Variants in LPAR1 observed in about 807,000 individuals in gnomAD.
LPAR1 encodes the protein lysophosphatidic acid receptor 1.
In LPAR1, 5 loss-of-function variants were observed where a neutral mutation model predicts 23.8. That is an observed-to-expected ratio of 0.21 (90% CI 0.11 to 0.44). The LOEUF (loss-of-function observed/expected upper bound fraction) is 0.44, where lower values mean the gene tolerates loss of function less well. Ranked by LOEUF, LPAR1 falls within the 20% of genes least tolerant of loss-of-function variation. LPAR1 has a pLI of 0.99. For synonymous variants in LPAR1, 160 were observed against 164.7 expected, an observed-to-expected ratio of 0.97 and a Z score of 0.22; for missense variants, 311 against 482.8, an observed-to-expected ratio of 0.64 and a Z score of 3.33.
At chr9:110,955,836 A>C (rs2095721218) in intron 4 of LPAR1, among the ~76,000 whole-genome samples, 1 of 152,110 alleles carries the variant, frequency 6.6e-6, no homozygotes, top group Admixed American at 6.5e-5. Flanking sequence ...AAGAAAATCA[A>C]AAAATTTCTT....
intron 2 of LPAR1, among the ~76,000 whole-genome samples, chr9:111,009,938 T>C (rs958893918): frequency 2.2e-4 from 33 of 149,210 alleles, no homozygotes; most frequent in Non-Finnish European, 4.4e-5. Flanking sequence ...TCTCATTTGT[T>C]TTTGTTGTTT....
chr9:110,965,801 C>A (rs1410781658), intron 4 of LPAR1, among the ~76,000 whole-genome samples: 1 of 152,184 alleles, frequency 6.6e-6, no homozygotes, highest in Non-Finnish European at 1.5e-5. Flanking sequence ...TAAATCATTT[C>A]TACTATGAAG....
At chr9:111,020,282 C>T (rs2097538214) in intron 2 of LPAR1, among the ~76,000 whole-genome samples, 2 of 152,176 alleles carry the variant, frequency 1.3e-5, no homozygotes, top group South Asian at 2.1e-4. Flanking sequence ...CTAATTCCTG[C>T]TCCTAGAGAA....
chr9:110,997,984 C>A (rs1177730050), intron 2 of LPAR1, among the ~76,000 whole-genome samples: 1 of 152,180 alleles, frequency 6.6e-6, no homozygotes, highest in African/African-American at 2.4e-5. Context: ...TAATATGTGG[C>A]ACACAGAATT....
chr9:110,905,988 A>G (rs756288966), intron 5 of LPAR1, among the ~76,000 whole-genome samples: 8 of 152,254 alleles, frequency 5.3e-5, no homozygotes, highest in Non-Finnish European at 1.2e-4. Context: ...GTGACATGTA[A>G]TAAGCTTTCT....
intron 2 of LPAR1, among the ~76,000 whole-genome samples, chr9:110,974,971 T>C (rs923673931): frequency 3.3e-5 from 5 of 152,214 alleles, no homozygotes; most frequent in African/African-American, 1.2e-4. Flanking sequence ...CCTGGCATTA[T>C]TTTTTGCCCA....
chr9:110,875,417 C>T lies in LPAR1; in HGVS notation c.*4G>A, dbSNP rs111935355. Reference sequence around the variant, plus strand: ...ACGGCTGGTTCCTCATCTCAGTTTCCGTTCTAAACCACAGAGTGGTCATTG... The same window carrying T: ...ACGGCTGGTTCCTCATCTCAGTTTCTGTTCTAAACCACAGAGTGGTCATTG... On this transcript the variant is annotated 3_prime_UTR_variant, in exon 6 of 6. Coordinates refer to ENST00000683809, the MANE Select transcript of LPAR1 (RefSeq NM_001351411.2). 63 of 1,600,144 alleles carry T rather than the reference C, an allele frequency of 3.9e-5. No individual in the cohort carries two copies. The highest frequency in any genetic ancestry group is 3.1e-4 in the African/African-American group (23 of 74,686).
chr9:110,979,013 TC>T (rs1480495547), intron 2 of LPAR1, among the ~76,000 whole-genome samples: 2 of 152,020 alleles, frequency 1.3e-5, no homozygotes, highest in East Asian at 3.9e-4. Context: ...TAAGGTCAGA[TC>T]CATCGTGTAG....
chr9:111,033,480 T>C (rs1008304427), intron 2 of LPAR1, among the ~76,000 whole-genome samples: 5 of 152,230 alleles, frequency 3.3e-5, no homozygotes, highest in Non-Finnish European at 7.3e-5. Flanking sequence ...AACAAACTGC[T>C]GGGAAGATCA....
chr9:111,000,906 A>T (rs1363068338), intron 2 of LPAR1, among the ~76,000 whole-genome samples: 1 of 152,188 alleles, frequency 6.6e-6, no homozygotes, highest in African/African-American at 2.4e-5. Context: ...GTCAGAATTA[A>T]ATCTAACTAA....
In LPAR1 at chr9:110,957,338, TCAA is replaced by T. The variant is rs575174431; in HGVS notation, c.45+14732_45+14734del. Among the ~76,000 whole-genome samples the T allele has an allele frequency of 8.9e-3, 945 of 106,612 alleles. 14 individuals carry two copies. Among genetic ancestry groups the T allele is most frequent in the African/African-American group, 0.032 (882 of 27,320 alleles). The allele number at this position is 106,612 out of a possible 152,430, so 69.9% of individuals were successfully genotyped here. A position where few individuals can be genotyped will look rare whatever the true frequency, so the allele number is the denominator to read the frequency against. Reference sequence around the variant, plus strand: ...CTAGGTGATAGAGTGATACTCTGTCTCAAAAAAAAAAAAATAATAATAATAATA... The same window carrying T: ...CTAGGTGATAGAGTGATACTCTGTCTAAAAAAAAAAATAATAATAATAATA... On this transcript the variant is annotated intron_variant, in intron 4 of 5. Coordinates refer to ENST00000683809, the MANE Select transcript of LPAR1 (RefSeq NM_001351411.2).
chr9:111,017,295 G>A (rs72751879), intron 2 of LPAR1, among the ~76,000 whole-genome samples: 26,862 of 152,082 alleles, frequency 0.18, 2,983 homozygotes, highest in African/African-American at 0.32. Flanking sequence ...AAACAGACAT[G>A]CAACTAACTT....
intron 4 of LPAR1, among the ~76,000 whole-genome samples, chr9:110,953,712 A>C (rs1245838615): frequency 6.6e-6 from 1 of 152,082 alleles, no homozygotes; most frequent in African/African-American, 2.4e-5. Context: ...TTACAGCCAA[A>C]GAAATTATAT....
chr9:110,983,675 T>C (rs540830440), intron 2 of LPAR1, among the ~76,000 whole-genome samples: 2 of 152,078 alleles, frequency 1.3e-5, no homozygotes, highest in African/African-American at 4.8e-5. Context: ...TTTAAAAAAG[T>C]GTGACAAATT....
chr9:110,990,656 C>G (rs1300520368), intron 2 of LPAR1, among the ~76,000 whole-genome samples: 2 of 151,858 alleles, frequency 1.3e-5, no homozygotes, highest in Admixed American at 1.3e-4. Context: ...GAAGAAAAGT[C>G]TCAAATAAAT....
At chr9:110,894,041 GT>G (rs2085439136) in intron 5 of LPAR1, among the ~76,000 whole-genome samples, 1 of 152,106 alleles carries the variant, frequency 6.6e-6, no homozygotes. Flanking sequence ...CATTAAAAAT[GT>G]TTTTAAAATA....
intron 4 of LPAR1, among the ~76,000 whole-genome samples, chr9:110,952,588 G>A (rs918315710): frequency 6.6e-6 from 1 of 152,120 alleles, no homozygotes; most frequent in Admixed American, 6.5e-5. Context: ...CGATAGCAGG[G>A]CTACAACACA....
At chr9:110,992,281 A>T (rs1213760586) in intron 2 of LPAR1, among the ~76,000 whole-genome samples, 1 of 152,208 alleles carries the variant, frequency 6.6e-6, no homozygotes, top group African/African-American at 2.4e-5. Flanking sequence ...GGAAAAATGC[A>T]AATTAAAACC....
At chr9:110,935,811 G>A (rs1205083538) in intron 5 of LPAR1, among the ~76,000 whole-genome samples, 2 of 152,122 alleles carry the variant, frequency 1.3e-5, no homozygotes, top group Non-Finnish European at 2.9e-5. Flanking sequence ...ATAAGGAATT[G>A]GTGTTCATTT....
Sources: gnomAD v4.1 joint callset for allele counts (sites outside exome capture counted in the v4.1 genomes callset) on GRCh38, gnomAD v4.1.1 for gene constraint, MANE v1.5 for transcripts, NCBI Gene and HGNC (gene_info 2026-07-23, HGNC 2026-07-21) for gene names.